ALCAM: variants seen among roughly 807,000 people sequenced by gnomAD.
ALCAM encodes activated leukocyte cell adhesion molecule, also known as CD166 antigen.
In ALCAM, 30 loss-of-function variants were observed where a neutral mutation model predicts 70.9. The observed-to-expected ratio is 0.42, with a 90% confidence interval of 0.32 to 0.57. The LOEUF is 0.57. Among genes scored for constraint, ALCAM ranks in the 20% least tolerant of loss-of-function variants. The pLI, the probability that ALCAM is intolerant of heterozygous loss-of-function variation, is 0.11. For missense variants in ALCAM, 591 were observed against 695.1 expected (o/e 0.85, Z 1.68); for synonymous variants, 249 against 242.5 (o/e 1.03, Z -0.25).
intron 3 of ALCAM, among the ~76,000 whole-genome samples, chr3:105,528,765 A>G (rs977015870): frequency 6.6e-6 from 1 of 152,194 alleles, no homozygotes; most frequent in Non-Finnish European, 1.5e-5. Flanking sequence ...GAATCAGGAA[A>G]AATAACTAAT....
chr3:105,447,322 A>G (rs1327253843), intron 1 of ALCAM, among the ~76,000 whole-genome samples: 1 of 152,230 alleles, frequency 6.6e-6, no homozygotes, highest in East Asian at 1.9e-4. Flanking sequence ...ACAAGATGAA[A>G]AAGAGTAGTA....
chr3:105,496,339 AAC>A (rs922125852), intron 1 of ALCAM, among the ~76,000 whole-genome samples: 6 of 55,188 alleles, frequency 1.1e-4, no homozygotes, highest in African/African-American at 1.8e-4. Context: ...AGAAAGGACT[AAC>A]AGTCATTTCC....
chr3:105,480,228 T>C (rs1390694526), intron 1 of ALCAM, among the ~76,000 whole-genome samples: 1 of 152,072 alleles, frequency 6.6e-6, no homozygotes, highest in East Asian at 1.9e-4. Context: ...CACGTGCCTA[T>C]AATCCCAGCT....
intron 1 of ALCAM, among the ~76,000 whole-genome samples, chr3:105,408,789 A>G (rs1277506273): frequency 6.6e-6 from 1 of 152,128 alleles, no homozygotes; most frequent in Admixed American, 6.6e-5. Flanking sequence ...GAAACTCTTC[A>G]CAATCTGTAC....
intron 1 of ALCAM, among the ~76,000 whole-genome samples, chr3:105,413,841 A>G (rs886190233): frequency 6.6e-6 from 1 of 152,148 alleles, no homozygotes; most frequent in African/African-American, 2.4e-5. Context: ...TTTTTGACTA[A>G]AGTTTTGCAC....
rs956079917 is a variant in ALCAM, at chr3:105,399,264, A to AT, written c.73+31791dup. Among the ~76,000 whole-genome samples, 6 of 151,542 alleles carry AT rather than the reference A, an allele frequency of 4.0e-5. No individual in the cohort carries two copies. In the East Asian group the frequency reaches 7.7e-4, roughly 20 times the overall value. On this transcript the variant is annotated intron_variant, in intron 1 of 15. Transcript: ENST00000306107. ...AATTTCAGTAAATATTTGCTGACCT[A>AT]TTTTTTTTCTTTACACTTTAGTTTC...
At chr3:105,540,877 A>G (rs1242768430) in intron 7 of ALCAM, among the ~76,000 whole-genome samples, 2 of 152,078 alleles carry the variant, frequency 1.3e-5, no homozygotes, top group East Asian at 1.9e-4. Flanking sequence ...GAAGACTAGT[A>G]TAAGTAATTT....
chr3:105,500,945 TG>T (rs1309455202), intron 1 of ALCAM, among the ~76,000 whole-genome samples: 1 of 152,194 alleles, frequency 6.6e-6, no homozygotes, highest in Non-Finnish European at 1.5e-5. Context: ...TCAAAATAAA[TG>T]CTGATGTCCA....
intron 1 of ALCAM, among the ~76,000 whole-genome samples, chr3:105,501,144 C>T (rs1938907799): frequency 6.6e-6 from 1 of 152,174 alleles, no homozygotes; most frequent in African/African-American, 2.4e-5. Context: ...GCTTCGAAGG[C>T]TCTGAGGTGC....
chr3:105,465,438 C>A (rs1186914173), intron 1 of ALCAM, among the ~76,000 whole-genome samples: 1 of 151,218 alleles, frequency 6.6e-6, no homozygotes, highest in Non-Finnish European at 1.5e-5. Flanking sequence ...ATAATTAGAG[C>A]CCTAGTAAAA....
chr3:105,555,680 A>G (rs982778938), intron 14 of ALCAM, among the ~76,000 whole-genome samples: 6 of 152,014 alleles, frequency 3.9e-5, no homozygotes, highest in Admixed American at 2.6e-4. Flanking sequence ...TTGCTAATAT[A>G]CCTAGTGGCT....
chr3:105,434,056 A>G (rs913573615), intron 1 of ALCAM, among the ~76,000 whole-genome samples: 2 of 152,216 alleles, frequency 1.3e-5, no homozygotes, highest in Non-Finnish European at 1.5e-5. Context: ...AAGACTGGTC[A>G]GAAAATATAA....
chr3:105,566,017 C>T (rs1940734679), intron 14 of ALCAM, among the ~76,000 whole-genome samples: 1 of 152,216 alleles, frequency 6.6e-6, no homozygotes, highest in African/African-American at 2.4e-5. Context: ...TCAAGTGCAA[C>T]TAGTGGCTTT....
chr3:105,373,569 T>C (rs1935298106), intron 1 of ALCAM, among the ~76,000 whole-genome samples: 1 of 152,196 alleles, frequency 6.6e-6, no homozygotes, highest in African/African-American at 2.4e-5. Flanking sequence ...TGGTGCAAAA[T>C]CAACATTGGA....
chr3:105,405,762 CA>C (rs1936212794), intron 1 of ALCAM, among the ~76,000 whole-genome samples: 1 of 152,144 alleles, frequency 6.6e-6, no homozygotes, highest in East Asian at 1.9e-4. Context: ...CCCTCAAAGC[CA>C]TGCAAATACA....
chr3:105,416,328 CTATA>C (rs1216342552), intron 1 of ALCAM, among the ~76,000 whole-genome samples: 1 of 151,934 alleles, frequency 6.6e-6, no homozygotes, highest in East Asian at 1.9e-4. Flanking sequence ...TTAATACACC[CTATA>C]TAGTTGGCAT....
At chr3:105,478,436 C>T (rs532071512) in intron 1 of ALCAM, among the ~76,000 whole-genome samples, 15 of 152,116 alleles carry the variant, frequency 9.9e-5, no homozygotes, top group Non-Finnish European at 2.2e-4. Flanking sequence ...TTTCTAGTAG[C>T]TGAGGCAGCC....
chr3:105,520,020 G>A (rs1465244127), intron 1 of ALCAM, 47 bp from the exon 2 acceptor site: 1 of 1,290,970 alleles, frequency 7.7e-7, no homozygotes, highest in Non-Finnish European at 1.1e-6. Flanking sequence ...TTAAAATTTT[G>A]TTCTCTCTCT....
intron 9 of ALCAM, 76 bp from the exon 10 acceptor site, chr3:105,547,073 G>C: frequency 8.1e-7 from 1 of 1,235,244 alleles, no homozygotes; most frequent in Non-Finnish European, 1.1e-6. Flanking sequence ...ATTGTTTTAG[G>C]CTTAATTATT....
Sources: gnomAD v4.1 joint callset for allele counts (sites outside exome capture counted in the v4.1 genomes callset) on GRCh38, gnomAD v4.1.1 for gene constraint, MANE v1.5 for transcripts, NCBI Gene and HGNC (gene_info 2026-07-23, HGNC 2026-07-21) for gene names.